Variants in CELF6 observed in about 807,000 individuals in gnomAD.
CELF6 encodes CUGBP Elav-like family member 6.
In CELF6, 32 loss-of-function variants were observed where a neutral mutation model predicts 53.1. That is an observed-to-expected ratio of 0.60 (90% CI 0.46 to 0.81). The LOEUF is 0.81. Among genes scored for constraint, CELF6 ranks in the 30% least tolerant of loss-of-function variants. The probability of loss-of-function intolerance (pLI) is 0.00; values close to 1 mark genes in which losing one functional copy is unlikely to be tolerated. For missense variants in CELF6, 539 were observed against 669.5 expected, an observed-to-expected ratio of 0.81 and a Z score of 2.15; for synonymous variants, 291 against 288.8, an observed-to-expected ratio of 1.01 and a Z score of -0.08.
In CELF6 at chr15:72,319,576, G is replaced by A; in HGVS notation, c.262+37C>T. On this transcript the variant is annotated intron_variant, in intron 1 of 12. Transcript: ENST00000287202. The surrounding 1 kb of genome is among the most constrained non-coding windows in gnomAD (Gnocchi z 5.0). ...CTGGGGTCGGGCCACACTCTAATCG[G>A]ATTGGGGCTGGGCTGGGCTGGGCTG... is the stretch of plus-strand genomic sequence containing the variant. 6.8e-7 allele frequency: 1 copy of A among 1,477,122 alleles called. No homozygotes were observed. Among genetic ancestry groups the A allele is most frequent in the African/African-American group, 1.4e-5 (1 of 70,808 alleles). The allele number at this position is 1,477,122 out of a possible 1,614,324, so 91.5% of individuals were successfully genotyped here. A position where few individuals can be genotyped will look rare whatever the true frequency, so the allele number is the denominator to read the frequency against.
At position 72,289,608 on chromosome 15, in the gene CELF6, G is replaced by T. The variant is rs1190576891; in HGVS notation, c.747+19C>A. 7 of 1,487,064 alleles carry T rather than the reference G, an allele frequency of 4.7e-6. No homozygotes were observed. Among genetic ancestry groups the T allele is most frequent in the African/African-American group, 1.4e-5 (1 of 69,212 alleles). 92.1% of individuals were successfully genotyped at this position (1,487,064 alleles called of 1,614,324 possible). A position where few individuals can be genotyped will look rare whatever the true frequency, so the allele number is the denominator to read the frequency against. ...CCCACCCACCTGCGCGCCCTCGCAC[G>T]CAGGTGCCCGGTACCTACCGCCGTG... is the stretch of plus-strand genomic sequence containing the variant. On this transcript the variant is annotated intron_variant, in intron 6 of 12. Transcript: ENST00000287202. This position sits in a 1 kb window ranked among gnomAD's most constrained non-coding sequence, Gnocchi z 7.6.
Position 72,315,844 on chromosome 15 carries a change from C to A in CELF6, c.345+1G>T. 1 of 1,594,312 alleles carries A rather than the reference C, an allele frequency of 6.3e-7. No individual in the cohort carries two copies. Among genetic ancestry groups the A allele is most frequent in the Non-Finnish European group, 8.5e-7 (1 of 1,170,186 alleles). On this transcript the variant is annotated splice_donor_variant, in intron 2 of 12. Coordinates refer to ENST00000287202, the MANE Select transcript of CELF6 (RefSeq NM_052840.5). LOFTEE classifies it high-confidence loss of function. ...CCCACCCCCCAACCTGGAGGACTTACCCCTGGCAGGGTCTTCTGCTCGTGC... is the reference window on the plus strand; with the variant it reads ...CCCACCCCCCAACCTGGAGGACTTAACCCTGGCAGGGTCTTCTGCTCGTGC...
At chr15:72,292,050 A>G in intron 3 of CELF6, 1 of 607,492 alleles carries the variant, frequency 1.6e-6, no homozygotes, top group Non-Finnish European at 2.9e-6. Flanking sequence ...TTGTTCTAAC[A>G]TAAATATTAG....
Position 72,319,548 on chromosome 15 carries a change from G to A in CELF6, c.262+65C>T. ...TCTCGGCAGGGCTAGGGCTGGGGCT[G>A]GGCTGGGGTCGGGCCACACTCTAAT... On this transcript the variant is annotated intron_variant, in intron 1 of 12. Transcript: ENST00000287202. The surrounding 1 kb of genome is among the most constrained non-coding windows in gnomAD (Gnocchi z 5.0). The A allele has an allele frequency of 6.8e-7, 1 of 1,477,778 alleles. No homozygotes were observed. Among genetic ancestry groups the A allele is most frequent in the African/African-American group, 1.4e-5 (1 of 71,844 alleles). The allele number at this position is 1,477,778 out of a possible 1,614,324, so 91.5% of individuals were successfully genotyped here.
At position 72,319,839 on chromosome 15, in the gene CELF6, A is replaced by C. The variant is rs1373286135; in HGVS notation, c.36T>G (p.Ala12=). The C allele has an allele frequency of 2.6e-6, 4 of 1,544,686 alleles. No homozygotes were observed. In the African/African-American group the frequency reaches 4.1e-5, roughly 16 times the overall value. The change falls in exon 1 of 13, where the codon GCT becomes GCG. Residue 12 remains alanine (A), a synonymous_variant. Transcript: ENST00000287202. This position sits in a 1 kb window ranked among gnomAD's most constrained non-coding sequence, Gnocchi z 5.0. ...AAAPGGSAQP[A]GPGPRLGFST... ...TGAAACCCAGGCGCGGGCCGGGGCC[A>C]GCGGGCTGCGCTGACCCTCCCGGCG...
At chr15:72,316,809 T>C (rs1209322334) in intron 1 of CELF6, among the ~76,000 whole-genome samples, 2 of 151,846 alleles carry the variant, frequency 1.3e-5, no homozygotes, top group Non-Finnish European at 2.9e-5. Flanking sequence ...TTACTTATTA[T>C]GGTGGGGCAT....
intron 3 of CELF6, among the ~76,000 whole-genome samples, chr15:72,299,418 G>A (rs2088123305): frequency 6.8e-6 from 1 of 146,962 alleles, no homozygotes; most frequent in African/African-American, 2.5e-5. Flanking sequence ...GGAGTGCAGT[G>A]GCATGATCTC....
At chr15:72,309,058 A>G (rs2088265368) in intron 2 of CELF6, among the ~76,000 whole-genome samples, 1 of 152,204 alleles carries the variant, frequency 6.6e-6, no homozygotes, top group African/African-American at 2.4e-5. Flanking sequence ...GAATACAGGT[A>G]CATGCCACCA....
chr15:72,311,876 T>TGCATGACTTAGTCAATAGA (rs2088302309), intron 2 of CELF6, among the ~76,000 whole-genome samples: 1 of 152,240 alleles, frequency 6.6e-6, no homozygotes, highest in African/African-American at 2.4e-5. Flanking sequence ...TGAAATAATG[T>TGCATGACTTAGTCAATAGA]GCATGACTTA....
intron 3 of CELF6, among the ~76,000 whole-genome samples, chr15:72,296,302 A>G (rs559337336): frequency 6.7e-4 from 102 of 152,252 alleles, no homozygotes; most frequent in Non-Finnish European, 1.1e-3. Flanking sequence ...AGATTTCCTG[A>G]CAGGATTTGG....
intron 2 of CELF6, among the ~76,000 whole-genome samples, chr15:72,312,702 ACCTAG>A (rs2088313700): frequency 6.6e-6 from 1 of 152,212 alleles, no homozygotes; most frequent in East Asian, 1.9e-4. Context: ...CTGGGGGCTG[ACCTAG>A]CCTTTTCTGG....
chr15:72,318,385 C>T (rs534428809), intron 1 of CELF6, among the ~76,000 whole-genome samples: 1 of 152,312 alleles, frequency 6.6e-6, no homozygotes, highest in South Asian at 2.1e-4. Context: ...GTACCTTTAG[C>T]TGTTACCCAA....
At position 72,288,463 on chromosome 15, in the gene CELF6, G is replaced by A; in HGVS notation, c.1175-12C>T. The A allele has an allele frequency of 1.9e-6, 3 of 1,614,204 alleles. No individual in the cohort carries two copies. The highest frequency in any genetic ancestry group is 2.5e-6 in the Non-Finnish European group (3 of 1,180,040). On this transcript the variant is annotated splice_polypyrimidine_tract_variant and intron_variant, in intron 10 of 12. Transcript: ENST00000287202. This position sits in a 1 kb window ranked among gnomAD's most constrained non-coding sequence, Gnocchi z 4.6. ...ACAGCCTTCGGGGCCTGGAGGAACAGTAGCAAGCTGGTTCAGGGGAAGGAC... is the reference window on the plus strand; with the variant it reads ...ACAGCCTTCGGGGCCTGGAGGAACAATAGCAAGCTGGTTCAGGGGAAGGAC...
rs2088396905 is a variant in CELF6, at chr15:72,319,141, G to A, written c.262+472C>T. Among the ~76,000 whole-genome samples, 3 of 152,112 alleles carry A rather than the reference G, an allele frequency of 2.0e-5. No individual in the cohort carries two copies. Among genetic ancestry groups the A allele is most frequent in the African/African-American group, 7.2e-5 (3 of 41,400 alleles). On this transcript the variant is annotated intron_variant, in intron 1 of 12. Coordinates refer to ENST00000287202, the MANE Select transcript of CELF6 (RefSeq NM_052840.5). The surrounding 1 kb of genome is among the most constrained non-coding windows in gnomAD (Gnocchi z 5.0). Reference sequence around the variant, plus strand: ...AGAAGGCTCTTGAGGGGGATGGCCGGACTAGGAGGCCAGAGGAGGGGTGCA... The same window carrying A: ...AGAAGGCTCTTGAGGGGGATGGCCGAACTAGGAGGCCAGAGGAGGGGTGCA...
chr15:72,288,237 AATC>A lies in CELF6; in HGVS notation c.1318+68_1318+70del. On this transcript the variant is annotated intron_variant, in intron 11 of 12. Coordinates refer to ENST00000287202, the MANE Select transcript of CELF6 (RefSeq NM_052840.5). The surrounding 1 kb of genome is among the most constrained non-coding windows in gnomAD (Gnocchi z 4.6). ...GGAAATCACTGCATTATGGAAGGGC[AATC>A]GTAGGGTCTGTAGGAAATCCTTTAT... The A allele has an allele frequency of 6.7e-7, 1 of 1,490,896 alleles. No individual in the cohort carries two copies. Among genetic ancestry groups the A allele is most frequent in the Non-Finnish European group, 9.4e-7 (1 of 1,068,968 alleles). 92.4% of individuals were successfully genotyped at this position (1,490,896 alleles called of 1,614,324 possible).
chr15:72,309,356 C>A (rs951522154), intron 2 of CELF6, among the ~76,000 whole-genome samples: 1 of 152,092 alleles, frequency 6.6e-6, no homozygotes, highest in Non-Finnish European at 1.5e-5. Context: ...GTGAATGTGA[C>A]CTGGATAGAA....
chr15:72,310,851 C>G (rs2088285665), intron 2 of CELF6, among the ~76,000 whole-genome samples: 1 of 152,086 alleles, frequency 6.6e-6, no homozygotes, highest in East Asian at 1.9e-4. Flanking sequence ...CTCTGTTCCC[C>G]CATTGCAAGC....
intron 3 of CELF6, among the ~76,000 whole-genome samples, chr15:72,299,362 C>G (rs937140806): frequency 5.0e-5 from 7 of 138,926 alleles, no homozygotes; most frequent in Non-Finnish European, 7.9e-5. Context: ...TTTGTTTTTT[C>G]TTTTTTTTTT....
chr15:72,306,709 G>A (rs990185047), intron 2 of CELF6, among the ~76,000 whole-genome samples: 2 of 151,836 alleles, frequency 1.3e-5, no homozygotes, highest in African/African-American at 4.8e-5. Context: ...CAGGACTCAG[G>A]TTGCAGTCTA....
Sources: gnomAD v4.1 joint callset for allele counts (sites outside exome capture counted in the v4.1 genomes callset) on GRCh38, gnomAD v4.1.1 for gene constraint, Gnocchi (gnomAD v3.1) non-coding constraint, MANE v1.5 for transcripts, NCBI Gene and HGNC (gene_info 2026-07-23, HGNC 2026-07-21) for gene names.